ZHX2: variants seen among roughly 807,000 people sequenced by gnomAD.
ZHX2 encodes zinc fingers and homeoboxes 2, also known as zinc fingers and homeoboxes protein 2.
ZHX2 carries 6 observed loss-of-function variants against 21.9 expected under a neutral mutation model. The observed-to-expected ratio is 0.27, with a 90% CI of 0.15 to 0.54. The LOEUF (loss-of-function observed/expected upper bound fraction) is 0.54, where lower values mean the gene tolerates loss of function less well. Ranked by LOEUF, ZHX2 falls within the 20% of genes least tolerant of loss-of-function variation. The probability of loss-of-function intolerance (pLI) is 0.95; values close to 1 mark genes in which losing one functional copy is unlikely to be tolerated. For missense variants in ZHX2, 908 were observed against 1,090.7 expected (o/e 0.83, Z 2.36); for synonymous variants, 434 against 437.1 (o/e 0.99, Z 0.09).
intron 1 of ZHX2, among the ~76,000 whole-genome samples, chr8:122,793,946 CTATAGGG>C (rs1563732424): frequency 1.3e-5 from 2 of 152,214 alleles, no homozygotes; most frequent in African/African-American, 4.8e-5. Context: ...GCCATCTGTG[CTATAGGG>C]TCCTCTGTTG....
chr8:122,850,263 C>T lies in ZHX2; in HGVS notation c.-282-13214C>T, dbSNP rs139311334. On this transcript the variant is annotated intron_variant, in intron 1 of 3. Coordinates refer to ENST00000314393, the MANE Select transcript of ZHX2 (RefSeq NM_014943.5). ...TGTTTTGATGGGTGTGAGTGACGCT[C>T]CTGGATTTATATAGGACACACGTGA... 5.5e-3 allele frequency among the ~76,000 whole-genome samples: 843 copies of T among 152,212 alleles called. 6 individuals are homozygous for T. The highest frequency in any genetic ancestry group is 6.6e-3 in the Non-Finnish European group (446 of 68,014).
intron 2 of ZHX2, among the ~76,000 whole-genome samples, chr8:122,946,203 A>G (rs1306682495): frequency 6.6e-6 from 1 of 152,104 alleles, no homozygotes; most frequent in African/African-American, 2.4e-5. Context: ...TCAAAACTGC[A>G]AGTACCAGAC....
At chr8:122,928,097 A>G (rs907912250) in intron 2 of ZHX2, among the ~76,000 whole-genome samples, 2 of 152,024 alleles carry the variant, frequency 1.3e-5, no homozygotes, top group African/African-American at 2.4e-5. Context: ...CTTTTTCTCC[A>G]CTAGACTTAA....
intron 1 of ZHX2, among the ~76,000 whole-genome samples, chr8:122,826,373 G>A (rs1412203809): frequency 1.3e-5 from 2 of 152,172 alleles, no homozygotes; most frequent in South Asian, 2.1e-4. Context: ...ACTGTACCAG[G>A]CGGGGGCATA....
chr8:122,809,948 G>T (rs539941487), intron 1 of ZHX2, among the ~76,000 whole-genome samples: 20 of 152,214 alleles, frequency 1.3e-4, no homozygotes, highest in African/African-American at 4.6e-4. Context: ...GATTGGGTAG[G>T]GGGGGTGGAG....
At chr8:122,815,232 C>G (rs768644102) in intron 1 of ZHX2, among the ~76,000 whole-genome samples, 2 of 152,196 alleles carry the variant, frequency 1.3e-5, no homozygotes, top group Non-Finnish European at 2.9e-5. Context: ...GTCGGCTTCT[C>G]CGTTAGGTAC....
At chr8:122,827,247 A>G (rs1249123103) in intron 1 of ZHX2, among the ~76,000 whole-genome samples, 3 of 152,182 alleles carry the variant, frequency 2.0e-5, no homozygotes, top group Non-Finnish European at 4.4e-5. Flanking sequence ...CATGTTGTGC[A>G]GGCTGGTCTC....
chr8:122,969,534 G>C (rs954955827), intron 3 of ZHX2, among the ~76,000 whole-genome samples: 1 of 151,990 alleles, frequency 6.6e-6, no homozygotes, highest in Non-Finnish European at 1.5e-5. Context: ...TTCTGCAAAC[G>C]AGTTATACGT....
rs577810572 is a variant in ZHX2 at position 122,946,672 on chromosome 8, G to A, written c.-219-4620G>A. ...CCTGCCTGATGTCTTTTTTCTGCAGGAGGAAAGTGTCTTTCCTCCTCTCTT... is the reference window on the plus strand; with the variant it reads ...CCTGCCTGATGTCTTTTTTCTGCAGAAGGAAAGTGTCTTTCCTCCTCTCTT... On this transcript the variant is annotated intron_variant, in intron 2 of 3. Transcript: ENST00000314393. Among the ~76,000 whole-genome samples the A allele has an allele frequency of 2.0e-4, 31 of 152,170 alleles. No homozygotes were observed. The South Asian group carries it at 5.8e-3, about 29-fold the overall frequency.
At chr8:122,921,325 C>G (rs913686648) in intron 2 of ZHX2, among the ~76,000 whole-genome samples, 3 of 152,016 alleles carry the variant, frequency 2.0e-5, no homozygotes, top group African/African-American at 7.2e-5. Context: ...CTCAGGTGAC[C>G]CACCCACCTC....
chr8:122,867,373 G>A (rs1819325047), intron 2 of ZHX2, among the ~76,000 whole-genome samples: 2 of 152,180 alleles, frequency 1.3e-5, no homozygotes, highest in African/African-American at 2.4e-5. Flanking sequence ...TGGTGCTAAC[G>A]GAGGAGCCAC....
At chr8:122,816,681 A>G (rs1164997308) in intron 1 of ZHX2, among the ~76,000 whole-genome samples, 1 of 152,104 alleles carries the variant, frequency 6.6e-6, no homozygotes, top group African/African-American at 2.4e-5. Context: ...AGGGCTTACA[A>G]AAGTCATATG....
chr8:122,955,119 C>G (rs1445728534), intron 3 of ZHX2, among the ~76,000 whole-genome samples: 2 of 145,164 alleles, frequency 1.4e-5, no homozygotes, highest in African/African-American at 2.6e-5. Flanking sequence ...ATGGCCATGT[C>G]ATCCCCATAA....
chr8:122,867,723 A>G (rs1293000992), intron 2 of ZHX2, among the ~76,000 whole-genome samples: 1 of 152,228 alleles, frequency 6.6e-6, no homozygotes, highest in Non-Finnish European at 1.5e-5. Context: ...TTGGGAGAGT[A>G]AATGAGATAA....
intron 1 of ZHX2, among the ~76,000 whole-genome samples, chr8:122,818,130 A>T (rs1439533539): frequency 6.6e-6 from 1 of 152,180 alleles, no homozygotes; most frequent in Non-Finnish European, 1.5e-5. Flanking sequence ...CAAGTGAGTC[A>T]GGGACTCTCC....
intron 1 of ZHX2, among the ~76,000 whole-genome samples, chr8:122,862,878 G>T (rs1263257813): frequency 6.6e-6 from 1 of 152,124 alleles, no homozygotes; most frequent in Non-Finnish European, 1.5e-5. Context: ...AACCTCTAGG[G>T]CTCAGGCCCC....
intron 1 of ZHX2, among the ~76,000 whole-genome samples, chr8:122,850,436 G>A (rs142548059): frequency 0.032 from 4,853 of 152,104 alleles, 126 homozygotes; most frequent in Non-Finnish European, 0.047. Context: ...TCAGGAGTTC[G>A]AGACCAGCCT....
chr8:122,898,677 G>A (rs1820154446), intron 2 of ZHX2, among the ~76,000 whole-genome samples: 1 of 152,204 alleles, frequency 6.6e-6, no homozygotes, highest in African/African-American at 2.4e-5. Context: ...TACTTATTAA[G>A]CACTCTTTGT....
upstream of ZHX2, chr8:122,780,516 C>G (rs1325064848): frequency 6.6e-6 from 1 of 152,328 alleles, no homozygotes; most frequent in Non-Finnish European, 1.5e-5. Context: ...GCGGCGCAGA[C>G]AGGTTGCCGC....
Sources: gnomAD v4.1 joint callset for allele counts (sites outside exome capture counted in the v4.1 genomes callset) on GRCh38, gnomAD v4.1.1 for gene constraint, MANE v1.5 for transcripts, NCBI Gene and HGNC (gene_info 2026-07-23, HGNC 2026-07-21) for gene names.